The following MAPK10 variants were observed in gnomAD, a reference collection of about 807,000 sequenced individuals.
The protein encoded by MAPK10 is mitogen-activated protein kinase 10, also known as JNK3 alpha protein kinase.
Under a neutral mutation model 59.3 loss-of-function variants are expected in MAPK10, and 25 were observed. The observed-to-expected ratio is 0.42, with a 90% CI of 0.31 to 0.59. The LOEUF (loss-of-function observed/expected upper bound fraction) is 0.59, where lower values mean the gene tolerates loss of function less well. Among genes scored for constraint, MAPK10 ranks in the 20% least tolerant of loss-of-function variants. The pLI is 0.15. For missense variants in MAPK10, 351 were observed against 568.9 expected (o/e 0.62, Z 3.90); for synonymous variants, 190 against 200.5 (o/e 0.95, Z 0.44).
At chr4:86,490,034 C>T (rs1053305241) in intron 1 of MAPK10, among the ~76,000 whole-genome samples, 1 of 152,160 alleles carries the variant, frequency 6.6e-6, no homozygotes, top group African/African-American at 2.4e-5. Context: ...ACAAAATATT[C>T]GTTTTGCCCA....
intron 3 of MAPK10, among the ~76,000 whole-genome samples, chr4:86,166,391 A>G (rs1027280626): frequency 1.4e-4 from 22 of 152,124 alleles, no homozygotes; most frequent in Non-Finnish European, 2.9e-4. Flanking sequence ...AATCTATGTA[A>G]GCTCTAAGCA....
rs577433021 is a variant in MAPK10, at chr4:86,182,090, T to G, written c.66+12246A>C. On this transcript the variant is annotated intron_variant, in intron 3 of 13. Transcript: ENST00000641462. ...GTTTATATTTTTGTAATTATTGAATTAATACCAGTGCAAACTAAAGATTAT... is the reference window on the plus strand; with the variant it reads ...GTTTATATTTTTGTAATTATTGAATGAATACCAGTGCAAACTAAAGATTAT... Among the ~76,000 whole-genome samples the G allele has an allele frequency of 1.1e-4, 17 of 152,222 alleles. No homozygotes were observed. The East Asian group carries it at 1.4e-3, about 12-fold the overall frequency.
At chr4:86,325,427 T>C (rs1400117487) in intron 2 of MAPK10, among the ~76,000 whole-genome samples, 1 of 152,240 alleles carries the variant, frequency 6.6e-6, no homozygotes, top group Non-Finnish European at 1.5e-5. Context: ...AGGCAATATT[T>C]AAACCCAGTT....
At chr4:86,147,976 T>C (rs2065415018) in intron 4 of MAPK10, among the ~76,000 whole-genome samples, 1 of 152,212 alleles carries the variant, frequency 6.6e-6, no homozygotes, top group Non-Finnish European at 1.5e-5. Context: ...ATACATACTA[T>C]ACACACATTC....
chr4:86,477,077 T>C (rs1753152192), intron 1 of MAPK10, among the ~76,000 whole-genome samples: 1 of 152,144 alleles, frequency 6.6e-6, no homozygotes, highest in Non-Finnish European at 1.5e-5. Flanking sequence ...CACTGCCCGA[T>C]TGCCTCAGAA....
chr4:86,589,856 C>T (rs563192393), intron 1 of MAPK10, among the ~76,000 whole-genome samples: 1 of 148,256 alleles, frequency 6.7e-6, no homozygotes, highest in African/African-American at 2.5e-5. Flanking sequence ...TGGTGGCAGG[C>T]GCCTATAGTC....
intron 9 of MAPK10, among the ~76,000 whole-genome samples, chr4:86,068,261 C>T (rs1386886189): frequency 1.3e-5 from 2 of 152,062 alleles, no homozygotes; most frequent in Admixed American, 6.6e-5. Flanking sequence ...ATCTCATATT[C>T]TGCAGATAAA....
rs200074571 is a variant in MAPK10 at position 86,403,700 on chromosome 4, A to AG, written c.-121-49057dup. On this transcript the variant is annotated intron_variant, in intron 1 of 13. Transcript: ENST00000361569. ...GGCGGCAGGAGAGAGAAGTGCAAGC[A>AG]GGGGAAATGCCAGATGCTAATAAAA... Among the ~76,000 whole-genome samples the AG allele has an allele frequency of 5.2e-3, 795 of 152,262 alleles. 8 individuals carry two copies. The highest frequency in any genetic ancestry group is 0.018 in the African/African-American group (767 of 41,546).
intron 1 of MAPK10, among the ~76,000 whole-genome samples, chr4:86,431,440 TC>T (rs1450464553): frequency 6.6e-5 from 10 of 152,356 alleles, no homozygotes; most frequent in East Asian, 1.9e-4. Flanking sequence ...ACAAGTGTCA[TC>T]TGACAAAACA....
intron 12 of MAPK10, 119 bp downstream of exon 12, chr4:86,031,249 C>A (rs2038953362): frequency 1.4e-6 from 1 of 714,532 alleles, no homozygotes; most frequent in Non-Finnish European, 2.4e-6. Context: ...TAAAAATGGT[C>A]TAAGAGAATA....
chr4:86,538,965 C>T (rs1433748790), intron 1 of MAPK10, among the ~76,000 whole-genome samples: 9 of 152,152 alleles, frequency 5.9e-5, no homozygotes, highest in Non-Finnish European at 2.9e-5. Flanking sequence ...ATTATTTTCA[C>T]TTATCAAATT....
chr4:86,386,474 A>T (rs542623057), intron 1 of MAPK10, among the ~76,000 whole-genome samples: 1 of 152,268 alleles, frequency 6.6e-6, no homozygotes, highest in Non-Finnish European at 1.5e-5. Flanking sequence ...GGTCTTCCTA[A>T]TTCTGAGAGT....
chr4:86,140,559 G>C (rs938605850), intron 4 of MAPK10, among the ~76,000 whole-genome samples: 33 of 146,814 alleles, frequency 2.2e-4, no homozygotes, highest in African/African-American at 8.6e-4. Flanking sequence ...GGGAGGGATA[G>C]CACTGGGAGA....
intron 1 of MAPK10, among the ~76,000 whole-genome samples, chr4:86,547,342 G>A (rs1759292524): frequency 6.6e-6 from 1 of 152,234 alleles, no homozygotes; most frequent in South Asian, 2.1e-4. Context: ...GGGGGAACCA[G>A]GACTGCGCGA....
intron 8 of MAPK10, chr4:86,098,867 G>C: frequency 3.0e-6 from 1 of 331,774 alleles, no homozygotes; most frequent in Non-Finnish European, 5.6e-6. Context: ...GGTGACATTG[G>C]TGACTGAGAA....
At position 86,111,821 on chromosome 4, in the gene MAPK10, C is replaced by T. The variant is rs139210345; in HGVS notation, c.237-4469G>A. On this transcript the variant is annotated intron_variant, in intron 4 of 13. Transcript: ENST00000641462. ...GAAATAGTACCAGCTCCTCTTTGCCCCTCTGGTAGAATTCAGCTGTAAATC... is the reference window on the plus strand; with the variant it reads ...GAAATAGTACCAGCTCCTCTTTGCCTCTCTGGTAGAATTCAGCTGTAAATC... 5.6e-3 allele frequency among the ~76,000 whole-genome samples: 845 copies of T among 152,224 alleles called. 5 individuals are homozygous for T. The highest frequency in any genetic ancestry group is 0.019 in the African/African-American group (785 of 41,546).
At chr4:86,399,467 G>T (rs991303077) in intron 1 of MAPK10, among the ~76,000 whole-genome samples, 1 of 152,072 alleles carries the variant, frequency 6.6e-6, no homozygotes, top group Admixed American at 6.6e-5. Context: ...TTTTTTGTTT[G>T]TCAAGTTCTT....
intron 2 of MAPK10, chr4:86,268,614 A>G (rs1250203496): frequency 6.6e-6 from 1 of 152,122 alleles, no homozygotes; most frequent in African/African-American, 2.4e-5. Flanking sequence ...TTGAACATGC[A>G]AAACTCATCT....
At chr4:86,409,576 T>C (rs899015985) in intron 1 of MAPK10, among the ~76,000 whole-genome samples, 5 of 152,210 alleles carry the variant, frequency 3.3e-5, no homozygotes, top group Non-Finnish European at 7.3e-5. Context: ...TTTTATTTCA[T>C]TGAACAATGG....
Sources: gnomAD v4.1 joint callset for allele counts (sites outside exome capture counted in the v4.1 genomes callset) on GRCh38, gnomAD v4.1.1 for gene constraint, MANE v1.5 for transcripts, NCBI Gene and HGNC (gene_info 2026-07-23, HGNC 2026-07-21) for gene names.